The following ASXL3 variants were observed in gnomAD, a reference collection of about 807,000 sequenced individuals.
ASXL3 encodes ASXL transcriptional regulator 3, also known as putative Polycomb group protein ASXL3.
A neutral mutation model predicts 170.6 loss-of-function variants in ASXL3; 34 were observed. The ratio of observed to expected loss-of-function variants is 0.20; its 90% confidence interval spans 0.15 to 0.27. The LOEUF (loss-of-function observed/expected upper bound fraction) is 0.27. ASXL3 is among the 10% of genes least tolerant of loss of function. The probability of loss-of-function intolerance (pLI) is 1.00; values close to 1 mark genes in which losing one functional copy is unlikely to be tolerated. For synonymous variants in ASXL3, 1,002 were observed against 989.1 expected, an observed-to-expected ratio of 1.01 and a Z score of -0.24; for missense variants, 2,592 against 2,695.3, an observed-to-expected ratio of 0.96 and a Z score of 0.85.
At chr18:33,586,321 C>T (rs1342606399) in intron 1 of ASXL3, among the ~76,000 whole-genome samples, 1 of 151,886 alleles carries the variant, frequency 6.6e-6, no homozygotes, top group East Asian at 1.9e-4. Context: ...CTCTTTGTGA[C>T]CCTCCACCCC....
chr18:33,718,689 ATCTTTT>A (rs1211193580), intron 8 of ASXL3, among the ~76,000 whole-genome samples: 6 of 151,124 alleles, frequency 4.0e-5, no homozygotes, highest in South Asian at 2.1e-4. Flanking sequence ...GCAGTTTACA[ATCTTTT>A]TCTTTTTCTT....
intron 1 of ASXL3, among the ~76,000 whole-genome samples, chr18:33,590,111 G>GTTTTTT (rs567969303): frequency 5.8e-4 from 48 of 83,174 alleles, no homozygotes; most frequent in Non-Finnish European, 9.8e-4. Context: ...TGCTTTCTAT[G>GTTTTTT]TTTTTTTTTT....
chr18:33,579,023 G>A lies in ASXL3; in HGVS notation c.54+338G>A, dbSNP rs192622893. 2.3e-3 allele frequency: 375 copies of A among 166,644 alleles called. 2 individuals carry two copies. Among genetic ancestry groups the A allele is most frequent in the African/African-American group, 8.4e-3 (354 of 41,902 alleles). The allele number at this position is 166,644 out of a possible 1,614,324, so 10.3% of individuals were successfully genotyped here. A position where few individuals can be genotyped will look rare whatever the true frequency, so the allele number is the denominator to read the frequency against. On this transcript the variant is annotated intron_variant, in intron 1 of 11. Transcript: ENST00000269197. ...GCTCGACTTCCCTCTCTGCCGCTCCGGAGACCTTTGTGTGGCAATTACCAC... is the reference window on the plus strand; with the variant it reads ...GCTCGACTTCCCTCTCTGCCGCTCCAGAGACCTTTGTGTGGCAATTACCAC...
At chr18:33,594,734 A>G (rs1347099023) in intron 1 of ASXL3, among the ~76,000 whole-genome samples, 1 of 152,092 alleles carries the variant, frequency 6.6e-6, no homozygotes, top group African/African-American at 2.4e-5. Flanking sequence ...TTCGTTTAGC[A>G]TAAATCTTAA....
In ASXL3 at chr18:33,742,893, G is replaced by A; in HGVS notation, c.3045G>A (p.Gln1015=). The change falls in exon 12 of 12, where the codon CAG becomes CAA. Residue 1015 remains glutamine, a synonymous_variant. Transcript: ENST00000269197. ...TTTTTCTGTCCTCCTTTTAGATTCAGCTTTCCAAAATTGGGCCACCTTTTA... is the reference window on the plus strand; with the variant it reads ...TTTTTCTGTCCTCCTTTTAGATTCAACTTTCCAAAATTGGGCCACCTTTTA... ...EEPRVPPLKI[Q]LSKIGPPFII... is the part of the protein sequence containing the mutation. 6.3e-7 allele frequency: 1 copy of A among 1,587,746 alleles called. No individual in the cohort carries two copies. Among genetic ancestry groups the A allele is most frequent in the Non-Finnish European group, 8.6e-7 (1 of 1,169,022 alleles).
In ASXL3 at chr18:33,745,068, G is replaced by C. The variant is rs1399262831; in HGVS notation, c.5220G>C (p.Leu1740=). ...VPGAGSSGCR[L]SSVEANNPLV... ...GTGCAGGGAGCTCAGGCTGTCGTCT[G>C]TCCTCTGTGGAGGCTAACAATCCGC... The change falls in exon 12 of 12, where the codon CTG becomes CTC. Residue 1740 remains leucine, a synonymous_variant. Transcript: ENST00000269197. The C allele has an allele frequency of 2.5e-6, 4 of 1,613,904 alleles. No homozygotes were observed. The Admixed American group carries it at 5.0e-5, about 20-fold the overall frequency.
chr18:33,606,628 T>G (rs2065252185), intron 1 of ASXL3, among the ~76,000 whole-genome samples: 1 of 152,016 alleles, frequency 6.6e-6, no homozygotes, highest in Non-Finnish European at 1.5e-5. Context: ...AATCATAGAT[T>G]AGAACTCTAG....
At chr18:33,597,873 A>T (rs1231306729) in intron 1 of ASXL3, among the ~76,000 whole-genome samples, 1 of 152,156 alleles carries the variant, frequency 6.6e-6, no homozygotes, top group African/African-American at 2.4e-5. Flanking sequence ...GTCTTAACAT[A>T]AGTCAAGTTC....
chr18:33,640,897 A>G (rs202006670), intron 2 of ASXL3, among the ~76,000 whole-genome samples: 2 of 152,076 alleles, frequency 1.3e-5, no homozygotes, highest in East Asian at 1.9e-4. Context: ...TTACATTTCT[A>G]TATTTAAAAA....
intron 2 of ASXL3, among the ~76,000 whole-genome samples, chr18:33,622,848 G>A (rs1305656894): frequency 6.6e-6 from 1 of 152,110 alleles, no homozygotes; most frequent in Non-Finnish European, 1.5e-5. Flanking sequence ...ATCTTTATTC[G>A]AGGAGGCATG....
At chr18:33,686,071 T>G (rs1380471326) in intron 8 of ASXL3, among the ~76,000 whole-genome samples, 3 of 152,248 alleles carry the variant, frequency 2.0e-5, no homozygotes, top group Non-Finnish European at 4.4e-5. Context: ...AAGCCCAATA[T>G]TTTCTTCAAC....
At chr18:33,632,246 AT>A (rs926393208) in intron 2 of ASXL3, among the ~76,000 whole-genome samples, 3 of 151,926 alleles carry the variant, frequency 2.0e-5, no homozygotes, top group Admixed American at 6.6e-5. Context: ...TTCTTATAGG[AT>A]TTTTTTCCTT....
chr18:33,659,383 A>G (rs562037165), intron 4 of ASXL3, among the ~76,000 whole-genome samples: 1 of 152,218 alleles, frequency 6.6e-6, no homozygotes, highest in East Asian at 1.9e-4. Flanking sequence ...CTTTAAACGA[A>G]CTAACCTGTA....
intron 8 of ASXL3, among the ~76,000 whole-genome samples, chr18:33,689,034 C>T (rs2066644940): frequency 1.3e-5 from 2 of 151,658 alleles, no homozygotes; most frequent in African/African-American, 4.8e-5. Flanking sequence ...TACCCTTTCA[C>T]CCAGGCTGGA....
intron 2 of ASXL3, among the ~76,000 whole-genome samples, chr18:33,635,455 C>T (rs1019242392): frequency 1.3e-5 from 2 of 152,150 alleles, no homozygotes; most frequent in African/African-American, 4.8e-5. Flanking sequence ...AGGCCCTGGC[C>T]TTGTGGAGGC....
rs1016333494 is a variant in ASXL3, at chr18:33,578,297, C to G, written c.-335C>G. The stretch of plus-strand genomic sequence containing the variant: ...CAGCGGCCGCGGCGGTGGCGCAGCG[C>G]GAGCCCCGCACGAGCGAGCCCGGCC... On this transcript the variant is annotated 5_prime_UTR_variant, in exon 1 of 12. Coordinates refer to ENST00000269197, the MANE Select transcript of ASXL3 (RefSeq NM_030632.3). 4 of 147,038 alleles carry G rather than the reference C, an allele frequency of 2.7e-5. No homozygotes were observed. The highest frequency in any genetic ancestry group is 6.0e-5 in the Non-Finnish European group (4 of 66,146). 9.1% of individuals were successfully genotyped at this position (147,038 alleles called of 1,614,324 possible).
chr18:33,584,508 A>G (rs1365266999), intron 1 of ASXL3, among the ~76,000 whole-genome samples: 2 of 152,158 alleles, frequency 1.3e-5, no homozygotes, highest in African/African-American at 4.8e-5. Flanking sequence ...GGGGTGCACC[A>G]GTGAGTGGTC....
At chr18:33,657,051 C>T (rs773280599) in intron 4 of ASXL3, among the ~76,000 whole-genome samples, 134 of 152,212 alleles carry the variant, frequency 8.8e-4, no homozygotes, top group Non-Finnish European at 1.3e-3. Context: ...CCTGTGGCTG[C>T]TGAGGCAGAT....
At chr18:33,714,908 G>A (rs1174395701) in intron 8 of ASXL3, among the ~76,000 whole-genome samples, 1 of 152,026 alleles carries the variant, frequency 6.6e-6, no homozygotes, top group Non-Finnish European at 1.5e-5. Flanking sequence ...ACTTTTTCTT[G>A]TGGACTGGTT....
Sources: allele counts gnomAD v4.1 joint callset (sites outside exome capture counted in the v4.1 genomes callset), GRCh38; gene constraint gnomAD v4.1.1; transcripts MANE v1.5; gene names NCBI Gene and HGNC (gene_info 2026-07-23, HGNC 2026-07-21).